Variants in FBXW10B observed in about 807,000 individuals in gnomAD.
The protein encoded by FBXW10B is F-box and WD repeat domain containing 10B.
chr17:15,614,053 A>G, the FBXW10B span: 3 of 1,609,432 alleles, frequency 1.9e-6, no homozygotes, highest in Non-Finnish European at 1.7e-6. Context: ...AGCCGGAGAA[A>G]GGTACGTGGT....
chr17:15,600,215 CAA>C, the FBXW10B span, among the ~76,000 whole-genome samples: 80 of 120,896 alleles, frequency 6.6e-4, no homozygotes, highest in Middle Eastern at 4.8e-3. Context: ...GACTCTGTCT[CAA>C]AAAAAAAAAA....
chr17:15,609,638 C>T, the FBXW10B span, among the ~76,000 whole-genome samples: 6 of 151,896 alleles, frequency 4.0e-5, no homozygotes, highest in Admixed American at 2.0e-4. Context: ...AACACCTCCT[C>T]GATCTATGGT....
the FBXW10B span, among the ~76,000 whole-genome samples, chr17:15,571,211 A>G: frequency 3.3e-5 from 5 of 151,980 alleles, no homozygotes; most frequent in Middle Eastern, 3.2e-3. Context: ...TAGGTATGGC[A>G]GCATGTGCCT....
At chr17:15,581,576 A>G in the FBXW10B span, among the ~76,000 whole-genome samples, 1 of 151,394 alleles carries the variant, frequency 6.6e-6, no homozygotes, top group Non-Finnish European at 1.5e-5. Flanking sequence ...TTCTTCCACT[A>G]GAACATGCCA....
the FBXW10B span, chr17:15,574,211 A>G: frequency 2.3e-5 from 16 of 697,010 alleles, no homozygotes; most frequent in Non-Finnish European, 2.9e-5. Flanking sequence ...AGGAAAAAAA[A>G]GAAAATACCA....
the FBXW10B span, among the ~76,000 whole-genome samples, chr17:15,604,279 T>G: frequency 6.6e-6 from 1 of 152,136 alleles, no homozygotes; most frequent in Non-Finnish European, 1.5e-5. Context: ...TAAAATATGA[T>G]TCTTTTTATG....
At chr17:15,612,747 C>G in the FBXW10B span, 7 of 1,614,112 alleles carry the variant, frequency 4.3e-6, no homozygotes, top group Non-Finnish European at 5.9e-6. Context: ...CATGCTCTTC[C>G]CGTCATCTAC....
the FBXW10B span, among the ~76,000 whole-genome samples, chr17:15,599,069 GGAGGCT>G: frequency 1.3e-5 from 2 of 151,908 alleles, no homozygotes; most frequent in Admixed American, 1.3e-4. Flanking sequence ...CAGCTACTCA[GGAGGCT>G]GAGGCAGGAG....
the FBXW10B span, among the ~76,000 whole-genome samples, chr17:15,601,049 CAA>C: frequency 7.1e-5 from 2 of 28,258 alleles, no homozygotes; most frequent in Admixed American, 6.6e-4. Flanking sequence ...GACTCCATCT[CAA>C]AAAAAAAAAA....
the FBXW10B span, among the ~76,000 whole-genome samples, chr17:15,603,055 T>G: frequency 6.9e-6 from 1 of 145,548 alleles, no homozygotes; most frequent in Non-Finnish European, 1.5e-5. Flanking sequence ...CAGCTAATTT[T>G]GTATTTTTAG....
chr17:15,588,925 C>T, the FBXW10B span: 1 of 1,613,916 alleles, frequency 6.2e-7, no homozygotes, highest in Non-Finnish European at 8.5e-7. Context: ...GGGGGTGAAT[C>T]CACTCACAGG....
the FBXW10B span, among the ~76,000 whole-genome samples, chr17:15,578,261 T>C: frequency 6.6e-6 from 1 of 150,702 alleles, no homozygotes; most frequent in African/African-American, 2.5e-5. Flanking sequence ...TTTGTAAACA[T>C]GGTCCCTGGC....
chr17:15,614,490 G>A, the FBXW10B span, among the ~76,000 whole-genome samples: 5 of 151,984 alleles, frequency 3.3e-5, no homozygotes, highest in East Asian at 1.9e-4. Context: ...CACTGCACCC[G>A]GCCGAGAATA....
At chr17:15,614,472 G>A in the FBXW10B span, among the ~76,000 whole-genome samples, 250 of 152,182 alleles carry the variant, frequency 1.6e-3, 2 homozygotes, top group South Asian at 9.3e-3. Flanking sequence ...GGGATTACAG[G>A]CGTGAGGCAC....
At chr17:15,587,962 T>C in the FBXW10B span, among the ~76,000 whole-genome samples, 1 of 152,310 alleles carries the variant, frequency 6.6e-6, no homozygotes, top group Non-Finnish European at 1.5e-5. Flanking sequence ...CTTAGGTTTC[T>C]CAAGAAAGAA....
the FBXW10B span, among the ~76,000 whole-genome samples, chr17:15,601,616 A>AG: frequency 2.6e-5 from 4 of 152,200 alleles, no homozygotes; most frequent in African/African-American, 9.7e-5. Context: ...TAACGTGTAC[A>AG]GCATTAAGTA....
At chr17:15,572,085 ACC>A in the FBXW10B span, 3 of 120,670 alleles carry the variant, frequency 2.5e-5, no homozygotes, top group African/African-American at 1.2e-4. Context: ...CACTATGTTT[ACC>A]TTTTTTTTTT....
the FBXW10B span, among the ~76,000 whole-genome samples, chr17:15,605,628 G>A: frequency 3.3e-5 from 5 of 152,234 alleles, no homozygotes; most frequent in East Asian, 7.7e-4. Context: ...ATCCATTTCC[G>A]TTAAATTTAA....
At chr17:15,596,453 G>A in the FBXW10B span, 13 of 1,390,474 alleles carry the variant, frequency 9.3e-6, no homozygotes, top group South Asian at 1.7e-4. Context: ...GCTAGGTAGG[G>A]GGAGCCCACC....
Sources: gnomAD v4.1 joint callset for allele counts (sites outside exome capture counted in the v4.1 genomes callset) on GRCh38, gnomAD v4.1.1 for gene constraint, MANE v1.5 for transcripts, NCBI Gene and HGNC (gene_info 2026-07-23, HGNC 2026-07-21) for gene names.